The following ST7 variants were observed in gnomAD, a reference collection of about 807,000 sequenced individuals.
The protein encoded by ST7 is suppression of tumorigenicity 7.
Under a neutral mutation model 78.7 loss-of-function variants are expected in ST7, and 28 were observed. That is an observed-to-expected ratio of 0.36 (90% confidence interval 0.26 to 0.49). The LOEUF is 0.49. ST7 is among the 20% of genes least tolerant of loss of function. The pLI, the probability that ST7 is intolerant of heterozygous loss-of-function variation, is 0.99. For missense variants in ST7, 418 were observed against 696.0 expected (o/e 0.60, Z 4.49); for synonymous variants, 247 against 249.6 (o/e 0.99, Z 0.10).
chr7:117,169,804 CTTTTTTTTT>C (rs757197865), intron 9 of ST7, among the ~76,000 whole-genome samples: 612 of 131,560 alleles, frequency 4.7e-3, no homozygotes, highest in Non-Finnish European at 8.4e-3. Context: ...CTTAGCAATC[CTTTTTTTTT>C]TTTTTTTTTT....
At chr7:117,037,051 G>A (rs191105005) in intron 1 of ST7, among the ~76,000 whole-genome samples, 1 of 152,174 alleles carries the variant, frequency 6.6e-6, no homozygotes, top group Admixed American at 6.5e-5. Flanking sequence ...GGCAATACAA[G>A]TGGAGAGAGC....
At chr7:117,145,832 A>ACT (rs1337288070) in intron 9 of ST7, among the ~76,000 whole-genome samples, 1 of 152,206 alleles carries the variant, frequency 6.6e-6, no homozygotes, top group African/African-American at 2.4e-5. Flanking sequence ...TCACTGCTAT[A>ACT]TCAGGTCAGC....
intron 15 of ST7, 53 bp from the exon 16 acceptor site, chr7:117,229,709 T>C: frequency 6.8e-7 from 1 of 1,470,474 alleles, no homozygotes. Context: ...GTTTGTTTTA[T>C]AGTCTTGAAC....
chr7:117,084,696 T>C (rs1563068786), intron 1 of ST7, among the ~76,000 whole-genome samples: 1 of 152,238 alleles, frequency 6.6e-6, no homozygotes, highest in Non-Finnish European at 1.5e-5. Context: ...GCTGGTTGTT[T>C]TATGAAGATT....
chr7:117,120,878 A>G (rs1006610695), intron 3 of ST7, among the ~76,000 whole-genome samples: 12 of 152,162 alleles, frequency 7.9e-5, no homozygotes, highest in Non-Finnish European at 1.3e-4. Context: ...AGGCTTAATC[A>G]AGGCATCCAC....
chr7:117,136,097 A>G lies in ST7; in HGVS notation c.727A>G (p.Ile243Val), dbSNP rs544083764. The change falls in exon 8 of 16, where the codon ATT becomes GTT. Residue 243 changes from isoleucine (I) to valine (V), a missense_variant. Coordinates refer to ENST00000323984, the MANE Select transcript of ST7 (RefSeq NM_001369598.1). ...AATGAACAGGTGTGCAACTGCTTAT[A>G]TTCTCTTGGCTGAAGAGGAAGCAAC... ...KLLPKCATAY[I>V]LLAEEEATTI... 1.2e-6 allele frequency: 2 copies of G among 1,613,392 alleles called. No homozygotes were observed. Among genetic ancestry groups the G allele is most frequent in the South Asian group, 2.2e-5 (2 of 91,060 alleles).
At chr7:117,002,054 A>G (rs1794957110) in intron 1 of ST7, among the ~76,000 whole-genome samples, 1 of 151,946 alleles carries the variant, frequency 6.6e-6, no homozygotes, top group Non-Finnish European at 1.5e-5. Flanking sequence ...GTGAAACCCC[A>G]TCTCTACTAA....
At chr7:117,100,396 A>G (rs1584659920) in intron 2 of ST7, among the ~76,000 whole-genome samples, 1 of 151,938 alleles carries the variant, frequency 6.6e-6, no homozygotes, top group Non-Finnish European at 1.5e-5. Flanking sequence ...AATGGGTTGA[A>G]CCCGGGAGGC....
Position 117,099,860 on chromosome 7 carries a change from C to T in ST7, c.234+16C>T. ...GCTTATTTTGGTAAGTGGTGGAGTC[C>T]TTCTCATTTAAAAACATGCTGATTA... On this transcript the variant is annotated intron_variant, in intron 2 of 15. Coordinates refer to ENST00000323984, the MANE Select transcript of ST7 (RefSeq NM_001369598.1). 6.2e-7 allele frequency: 1 copy of T among 1,600,618 alleles called. No homozygotes were observed. The highest frequency in any genetic ancestry group is 1.1e-5 in the South Asian group (1 of 89,778).
At chr7:117,113,745 A>T (rs1303464848) in intron 2 of ST7, among the ~76,000 whole-genome samples, 1 of 152,200 alleles carries the variant, frequency 6.6e-6, no homozygotes, top group African/African-American at 2.4e-5. Flanking sequence ...CATCAGAATT[A>T]TCTGGGAGCT....
At chr7:117,138,664 C>G (rs753147019) in intron 9 of ST7, 132 bp downstream of exon 9, 11 of 552,756 alleles carry the variant, frequency 2.0e-5, no homozygotes, top group Non-Finnish European at 2.9e-5. Context: ...GGGTTCAACT[C>G]TAGTTCCCAA....
intron 1 of ST7, among the ~76,000 whole-genome samples, chr7:116,976,203 G>A (rs1393600734): frequency 6.6e-6 from 1 of 152,146 alleles, no homozygotes; most frequent in African/African-American, 2.4e-5. Context: ...GACGGAGTTT[G>A]CAGTGAGCCG....
At position 116,987,849 on chromosome 7, in the gene ST7, G is replaced by C. The variant is rs184902331; in HGVS notation, c.151+34158G>C. Among the ~76,000 whole-genome samples the C allele has an allele frequency of 2.0e-5, 3 of 152,214 alleles. No homozygotes were observed. In the East Asian group the frequency reaches 5.8e-4, roughly 29 times the overall value. On this transcript the variant is annotated intron_variant, in intron 1 of 15. Transcript: ENST00000323984. Reference sequence around the variant, plus strand: ...AGCAATTCTCCTGCCTCAGCCTCCCGAGTAGCTGGGATTACAGACGCCTAC... The same window carrying C: ...AGCAATTCTCCTGCCTCAGCCTCCCCAGTAGCTGGGATTACAGACGCCTAC...
At chr7:116,982,606 T>C (rs1794008011) in intron 1 of ST7, among the ~76,000 whole-genome samples, 1 of 152,236 alleles carries the variant, frequency 6.6e-6, no homozygotes, top group Non-Finnish European at 1.5e-5. Context: ...TGGGAGCCCC[T>C]TCAAGCTAAC....
At chr7:117,123,899 A>G (rs2116973079) in intron 3 of ST7, among the ~76,000 whole-genome samples, 1 of 152,314 alleles carries the variant, frequency 6.6e-6, no homozygotes, top group Non-Finnish European at 1.5e-5. Context: ...AGATACTTTA[A>G]TAGCCTCTTG....
rs545740289 is a variant in ST7, at chr7:116,971,092, T to C, written c.151+17401T>C. Among the ~76,000 whole-genome samples the C allele has an allele frequency of 4.6e-5, 7 of 152,130 alleles. No homozygotes were observed. The East Asian group carries it at 1.4e-3, about 29-fold the overall frequency. ...ACCTTACCAGAAAATGGGGACTCGG[T>C]AGGGAAAGAAACTTTAAAAAATCAG... On this transcript the variant is annotated intron_variant, in intron 1 of 15. Transcript: ENST00000323984.
At chr7:117,205,530 T>G (rs1262102988) in intron 12 of ST7, among the ~76,000 whole-genome samples, 2 of 152,234 alleles carry the variant, frequency 1.3e-5, no homozygotes, top group Non-Finnish European at 2.9e-5. Context: ...ATGGGATCAT[T>G]TTCATTCAAA....
intron 9 of ST7, among the ~76,000 whole-genome samples, chr7:117,142,708 T>G (rs1805425537): frequency 6.6e-6 from 1 of 151,976 alleles, no homozygotes; most frequent in Non-Finnish European, 1.5e-5. Context: ...ACCTCCTGGG[T>G]TCAAGCGATT....
chr7:117,097,768 T>C (rs1370952955), intron 1 of ST7, among the ~76,000 whole-genome samples: 1 of 146,924 alleles, frequency 6.8e-6, no homozygotes, highest in Non-Finnish European at 1.5e-5. Flanking sequence ...TTTTTCCTTT[T>C]AAAAAATCTC....
Sources: allele counts gnomAD v4.1 joint callset (sites outside exome capture counted in the v4.1 genomes callset), GRCh38; gene constraint gnomAD v4.1.1; transcripts MANE v1.5; gene names NCBI Gene and HGNC (gene_info 2026-07-23, HGNC 2026-07-21).